The following PEX13 variants were observed in gnomAD, a reference collection of about 807,000 sequenced individuals.
PEX13 encodes peroxisome biogenesis factor 13.
Under a neutral mutation model 34.5 loss-of-function variants are expected in PEX13, and 28 were observed. The ratio of observed to expected loss-of-function variants is 0.81; its 90% CI spans 0.60 to 1.11. The LOEUF (loss-of-function observed/expected upper bound fraction) is 1.11. Ranked by LOEUF, PEX13 falls within the 50% of genes most tolerant of loss-of-function variation. The pLI is 0.00. For synonymous variants in PEX13, 177 were observed against 175.1 expected (o/e 1.01, Z -0.09); for missense variants, 550 against 491.0 (o/e 1.12, Z -1.13).
chr2:61,037,245 G>T (rs530285652), intron 2 of PEX13, among the ~76,000 whole-genome samples: 1 of 152,306 alleles, frequency 6.6e-6, no homozygotes, highest in African/African-American at 2.4e-5. Context: ...TCCAGGACTT[G>T]AACTCACCTC....
At chr2:61,018,588 G>A (rs896858830) in intron 1 of PEX13, 2 of 220,158 alleles carry the variant, frequency 9.1e-6, no homozygotes, top group Non-Finnish European at 1.8e-5. Context: ...GGTAGTGCTG[G>A]ACATCTTAAT....
At chr2:61,036,904 A>G (rs549514651) in intron 2 of PEX13, among the ~76,000 whole-genome samples, 2 of 152,182 alleles carry the variant, frequency 1.3e-5, no homozygotes, top group Non-Finnish European at 2.9e-5. Flanking sequence ...TCAAAGACAC[A>G]CATAGGCTCA....
rs1680115622 is a variant in PEX13, at chr2:61,017,866, C to T, written c.92+15C>T. The T allele has an allele frequency of 1.9e-6, 3 of 1,549,592 alleles. No individual in the cohort carries two copies. Among genetic ancestry groups the T allele is most frequent in the South Asian group, 1.2e-5 (1 of 84,004 alleles). ...CCCACTTTCCAGTGAGTGTGGGATT[C>T]TTCAGGCTGTGAGTTTAGTGGGCCC... On this transcript the variant is annotated intron_variant, in intron 1 of 3. Transcript: ENST00000295030.
rs549792777 is a variant in PEX13, at chr2:61,051,016, T to C, written c.*2246T>C. The C allele has an allele frequency of 7.7e-4, 118 of 152,480 alleles. No homozygotes were observed. The highest frequency in any genetic ancestry group is 2.8e-3 in the African/African-American group (115 of 41,574). The allele number at this position is 152,480 out of a possible 1,614,324, so 9.4% of individuals were successfully genotyped here. ...ACAGGAACCAAGTACATACCCAGCA[T>C]AGAAGAACTTTACTAAAGGCTTCTT... On this transcript the variant is annotated 3_prime_UTR_variant, in exon 4 of 4. Transcript: ENST00000295030.
At position 61,049,400 on chromosome 2, in the gene PEX13, A is replaced by G. The variant is rs766581293; in HGVS notation, c.*630A>G. 4.6e-5 allele frequency: 7 copies of G among 152,414 alleles called. No individual in the cohort carries two copies. Among genetic ancestry groups the G allele is most frequent in the Admixed American group, 3.9e-4 (6 of 15,282 alleles). The allele number at this position is 152,414 out of a possible 1,614,324, so 9.4% of individuals were successfully genotyped here. A position where few individuals can be genotyped will look rare whatever the true frequency, so the allele number is the denominator to read the frequency against. ...TAGAATTATAGAGTATGTAGCCCTA[A>G]TAGTTTTCCCTCCTAGCAAAAAGTC... On this transcript the variant is annotated 3_prime_UTR_variant, in exon 4 of 4. Transcript: ENST00000295030.
chr2:61,031,794 C>T lies in PEX13; in HGVS notation c.468C>T (p.Asn156=), dbSNP rs1263206031. The change falls in exon 2 of 4, where the codon AAC becomes AAT. Residue 156 remains asparagine, a synonymous_variant. Coordinates refer to ENST00000295030, the MANE Select transcript of PEX13 (RefSeq NM_002618.4). ...ATGCTACCTTTTCAGCTGTCTATAA[C>T]AGTTTCAGGGCTGTATTGGATGTAG... ...MMDATFSAVY[N]SFRAVLDVAN... is the part of the protein sequence containing the mutation. The T allele has an allele frequency of 6.2e-7, 1 of 1,613,290 alleles. No individual in the cohort carries two copies.
In PEX13 at chr2:61,031,647, C is replaced by T. The variant is rs1245330810; in HGVS notation, c.321C>T (p.Arg107=). The change falls in exon 2 of 4, where the codon CGC becomes CGT. Residue 107 remains arginine, a synonymous_variant. Transcript: ENST00000295030. ...GATATAATGGGCTGGGCTACAACCG[C>T]CTCCGTGTAGATGATCTTCCACCCA... ...SYGYNGLGYN[R]LRVDDLPPSR... 6.2e-7 allele frequency: 1 copy of T among 1,614,010 alleles called. No individual in the cohort carries two copies. Among genetic ancestry groups the T allele is most frequent in the Non-Finnish European group, 8.5e-7 (1 of 1,180,026 alleles).
In PEX13 at chr2:61,017,751, G is replaced by T. The variant is rs1017419005; in HGVS notation, c.-9G>T. 1.9e-6 allele frequency: 3 copies of T among 1,548,604 alleles called. No individual in the cohort carries two copies. Among genetic ancestry groups the T allele is most frequent in the Non-Finnish European group, 8.7e-7 (1 of 1,146,264 alleles). ...GGGTAGGAGCGGGAGCCGAGAGGAGGCGGAGGAGATGGCGTCCCAGCCGCC... is the reference window on the plus strand; with the variant it reads ...GGGTAGGAGCGGGAGCCGAGAGGAGTCGGAGGAGATGGCGTCCCAGCCGCC... On this transcript the variant is annotated 5_prime_UTR_variant, in exon 1 of 4. Transcript: ENST00000295030.
At chr2:61,033,646 T>G (rs994576281) in intron 2 of PEX13, among the ~76,000 whole-genome samples, 1 of 152,138 alleles carries the variant, frequency 6.6e-6, no homozygotes, top group Non-Finnish European at 1.5e-5. Context: ...GGAAGAATTT[T>G]GGGAGTGTCA....
intron 2 of PEX13, 86 bp downstream of exon 2, chr2:61,032,199 AT>A (rs1282639425): frequency 1.0e-6 from 1 of 975,852 alleles, no homozygotes; most frequent in African/African-American, 1.6e-5. Flanking sequence ...CTTTATATTG[AT>A]TTGTATTTAC....
chr2:61,021,033 A>G (rs1680250282), intron 1 of PEX13, among the ~76,000 whole-genome samples: 1 of 152,130 alleles, frequency 6.6e-6, no homozygotes, highest in Non-Finnish European at 1.5e-5. Context: ...AGACCATTGT[A>G]TGTATTTTCG....
chr2:61,024,769 A>G (rs1680323415), intron 1 of PEX13, among the ~76,000 whole-genome samples: 1 of 152,150 alleles, frequency 6.6e-6, no homozygotes, highest in Non-Finnish European at 1.5e-5. Flanking sequence ...AGATCACGCC[A>G]CTGCAGTCCA....
At chr2:61,021,180 G>A (rs947269458) in intron 1 of PEX13, among the ~76,000 whole-genome samples, 11 of 152,132 alleles carry the variant, frequency 7.2e-5, no homozygotes, top group Admixed American at 3.9e-4. Context: ...AACACTGGTC[G>A]CACCCCATGG....
chr2:61,047,365 A>G (rs1330815067), intron 3 of PEX13, among the ~76,000 whole-genome samples: 3 of 152,168 alleles, frequency 2.0e-5, no homozygotes, highest in East Asian at 3.8e-4. Context: ...CATGTTGGTC[A>G]GGCTGGTCTC....
At chr2:61,023,563 C>T (rs903794449) in intron 1 of PEX13, among the ~76,000 whole-genome samples, 2 of 152,008 alleles carry the variant, frequency 1.3e-5, no homozygotes, top group African/African-American at 4.8e-5. Context: ...CTAGTCTTTA[C>T]TGTCTCTTCT....
At position 61,031,615 on chromosome 2, in the gene PEX13, A is replaced by G. The variant is rs774374085; in HGVS notation, c.289A>G (p.Ser97Gly). The change falls in exon 2 of 4, where the codon AGT becomes GGT. Residue 97 changes from serine (S) to glycine (G), a missense_variant. Coordinates refer to ENST00000295030, the MANE Select transcript of PEX13 (RefSeq NM_002618.4). ...ATTTTATGGAGGCTATAGTCCTTATAGTTATGGATATAATGGGCTGGGCTA... is the reference window on the plus strand; with the variant it reads ...ATTTTATGGAGGCTATAGTCCTTATGGTTATGGATATAATGGGCTGGGCTA... ...NSFYGGYSPY[S>G]YGYNGLGYNR... 8.1e-6 allele frequency: 13 copies of G among 1,614,016 alleles called. No homozygotes were observed. The highest frequency in any genetic ancestry group is 1.1e-5 in the Non-Finnish European group (13 of 1,180,016).
chr2:61,039,247 TAA>T (rs1410182294), intron 2 of PEX13, among the ~76,000 whole-genome samples: 16 of 152,130 alleles, frequency 1.1e-4, no homozygotes, highest in African/African-American at 3.9e-4. Flanking sequence ...AAAACTACTT[TAA>T]AGTTCATATG....
chr2:61,021,626 G>A (rs1417164075), intron 1 of PEX13, among the ~76,000 whole-genome samples: 2 of 152,204 alleles, frequency 1.3e-5, no homozygotes, highest in Non-Finnish European at 2.9e-5. Flanking sequence ...AAACTTCTGT[G>A]GACTTAAACG....
Position 61,048,690 on chromosome 2 carries a change from G to T in PEX13, c.1132G>T (p.Glu378Ter). Residue 378 changes from glutamate (E) to a stop codon, truncating the protein, a stop_gained, in exon 4 of 4, where the codon GAA becomes TAA. Coordinates refer to ENST00000295030, the MANE Select transcript of PEX13 (RefSeq NM_002618.4). LOFTEE classifies it high-confidence loss of function. Reference protein sequence around the residue: ...DSLDEQEAAFESVFVETNKVP... With the variant: ...DSLDEQEAAF ...TTTGGATGAACAGGAAGCTGCCTTT[G>T]AATCTGTTTTTGTTGAAACTAATAA... is the stretch of plus-strand genomic sequence containing the variant. 1 of 1,613,988 alleles carries T rather than the reference G, an allele frequency of 6.2e-7. No individual in the cohort carries two copies. Among genetic ancestry groups the T allele is most frequent in the Non-Finnish European group, 8.5e-7 (1 of 1,179,854 alleles).
Sources: allele counts gnomAD v4.1 joint callset (sites outside exome capture counted in the v4.1 genomes callset), GRCh38; gene constraint gnomAD v4.1.1; transcripts MANE v1.5; gene names NCBI Gene and HGNC (gene_info 2026-07-23, HGNC 2026-07-21).